The following SWT1 variants were observed in gnomAD, a reference collection of about 807,000 sequenced individuals.
SWT1 encodes SWT1 RNA endoribonuclease homolog.
Under a neutral mutation model 107.3 loss-of-function variants are expected in SWT1, and 33 were observed. The observed-to-expected ratio is 0.31, with a 90% CI of 0.23 to 0.41. SWT1 has a LOEUF of 0.41. Among genes scored for constraint, SWT1 ranks in the 10% least tolerant of loss-of-function variants. SWT1 has a pLI of 1.00. For synonymous variants in SWT1, 345 were observed against 348.3 expected (o/e 0.99, Z 0.11); for missense variants, 898 against 1,028.9 (o/e 0.87, Z 1.74).
At chr1:185,279,469 G>A (rs1355882380) in intron 18 of SWT1, among the ~76,000 whole-genome samples, 1 of 151,950 alleles carries the variant, frequency 6.6e-6, no homozygotes, top group Non-Finnish European at 1.5e-5. Flanking sequence ...TGAAGTTAAT[G>A]AGTAAACCCT....
intron 15 of SWT1, chr1:185,226,929 G>A (rs1571556495): frequency 1.5e-5 from 17 of 1,114,088 alleles, no homozygotes; most frequent in Non-Finnish European, 2.1e-5. Flanking sequence ...TTCTTTCTGC[G>A]GCGTCTTTTC....
intron 15 of SWT1, among the ~76,000 whole-genome samples, chr1:185,230,878 G>A (rs926937334): frequency 2.0e-5 from 3 of 152,030 alleles, no homozygotes; most frequent in Non-Finnish European, 2.9e-5. Flanking sequence ...CTCCCAAGTA[G>A]CTGGGACTAC....
At chr1:185,253,354 A>T (rs1351290958) in intron 16 of SWT1, among the ~76,000 whole-genome samples, 2 of 151,548 alleles carry the variant, frequency 1.3e-5, no homozygotes, top group African/African-American at 4.9e-5. Context: ...ATGGCATTGA[A>T]TCTGTAAATT....
At chr1:185,198,478 A>G (rs1287322483) in intron 10 of SWT1, among the ~76,000 whole-genome samples, 1 of 152,134 alleles carries the variant, frequency 6.6e-6, no homozygotes, top group African/African-American at 2.4e-5. Context: ...CAAGTCCTGG[A>G]TATCCTTGTT....
At chr1:185,186,927 G>A (rs1656525030) in intron 9 of SWT1, among the ~76,000 whole-genome samples, 3 of 150,804 alleles carry the variant, frequency 2.0e-5, no homozygotes, top group South Asian at 4.2e-4. Context: ...GCTAATTTTT[G>A]TATTTTTAGT....
chr1:185,244,621 T>C (rs1342885987), intron 16 of SWT1, among the ~76,000 whole-genome samples: 1 of 152,182 alleles, frequency 6.6e-6, no homozygotes, highest in Non-Finnish European at 1.5e-5. Context: ...GCCCTGGATA[T>C]GACACTACTA....
intron 16 of SWT1, among the ~76,000 whole-genome samples, chr1:185,252,481 G>T (rs930919304): frequency 7.2e-5 from 11 of 152,208 alleles, no homozygotes; most frequent in African/African-American, 2.7e-4. Context: ...ATTCTAACTG[G>T]TGTGAGATGG....
intron 13 of SWT1, among the ~76,000 whole-genome samples, chr1:185,208,237 T>A (rs906333642): frequency 6.6e-6 from 1 of 152,112 alleles, no homozygotes; most frequent in Non-Finnish European, 1.5e-5. Context: ...AGGAAAAAAA[T>A]TGCATATTCT....
Position 185,186,402 on chromosome 1 carries a change from T to C in SWT1, c.1429+1471T>C, listed in dbSNP as rs567431593. 1.4e-3 allele frequency among the ~76,000 whole-genome samples: 215 copies of C among 152,274 alleles called. 2 individuals carry two copies. Among genetic ancestry groups the C allele is most frequent in the African/African-American group, 4.9e-3 (205 of 41,578 alleles). On this transcript the variant is annotated intron_variant, in intron 9 of 18. Coordinates refer to ENST00000367500, the MANE Select transcript of SWT1 (RefSeq NM_017673.7). ...GCTTGAATAAGCCTAAGGATAATAA[T>C]TGTCTTTCTAGAAATGTATCCAAAA...
intron 9 of SWT1, among the ~76,000 whole-genome samples, chr1:185,189,527 T>C (rs1656766577): frequency 6.6e-6 from 1 of 152,172 alleles, no homozygotes; most frequent in Non-Finnish European, 1.5e-5. Context: ...ACAGACTTCT[T>C]AAGCTGAGAA....
At chr1:185,203,766 G>A (rs1242932374) in intron 11 of SWT1, among the ~76,000 whole-genome samples, 1 of 151,942 alleles carries the variant, frequency 6.6e-6, no homozygotes, top group Admixed American at 6.6e-5. Context: ...CCTCTTTGGG[G>A]AAAATGATTA....
chr1:185,159,909 A>T (rs978012002), intron 1 of SWT1, among the ~76,000 whole-genome samples: 1 of 151,920 alleles, frequency 6.6e-6, no homozygotes, highest in African/African-American at 2.4e-5. Context: ...TTTTTAGTAG[A>T]GATGAGGTTT....
chr1:185,237,039 A>G (rs1269278395), intron 16 of SWT1, among the ~76,000 whole-genome samples: 2 of 152,210 alleles, frequency 1.3e-5, no homozygotes, highest in Non-Finnish European at 2.9e-5. Flanking sequence ...AATGGCGATC[A>G]TAAAAAGTGA....
In SWT1 at chr1:185,252,676, A is replaced by G. The variant is rs563190737; in HGVS notation, c.2442-18647A>G. Among the ~76,000 whole-genome samples, 270 of 151,804 alleles carry G rather than the reference A, an allele frequency of 1.8e-3. 1 individual carries two copies. Among genetic ancestry groups the G allele is most frequent in the African/African-American group, 6.2e-3 (257 of 41,420 alleles). ...TGCTTGAGTTCATTGTAGATTCTGG[A>G]TATTAGCCCTTTGTCAGATGAGTAG... On this transcript the variant is annotated intron_variant, in intron 16 of 18. Transcript: ENST00000367500.
intron 12 of SWT1, among the ~76,000 whole-genome samples, chr1:185,205,684 A>G (rs1021977601): frequency 2.0e-5 from 3 of 152,194 alleles, no homozygotes; most frequent in Admixed American, 2.0e-4. Flanking sequence ...ATGATTTTGC[A>G]TCAATCATAG....
chr1:185,267,367 A>G (rs1663481430), intron 16 of SWT1, among the ~76,000 whole-genome samples: 2 of 152,344 alleles, frequency 1.3e-5, no homozygotes, highest in East Asian at 3.8e-4. Context: ...TTAGGGTGTT[A>G]AAGCTGGGCT....
At chr1:185,284,000 G>A (rs2102779566) in intron 18 of SWT1, among the ~76,000 whole-genome samples, 1 of 152,284 alleles carries the variant, frequency 6.6e-6, no homozygotes, top group African/African-American at 2.4e-5. Context: ...CATATACCTA[G>A]GAGTAGAATT....
intron 16 of SWT1, among the ~76,000 whole-genome samples, chr1:185,270,676 TACAGCC>T (rs1558092998): frequency 6.6e-6 from 1 of 152,096 alleles, no homozygotes. Context: ...ACCACTGCAC[TACAGCC>T]TGGGCGACAG....
intron 16 of SWT1, among the ~76,000 whole-genome samples, chr1:185,234,100 G>T (rs1660694720): frequency 6.6e-6 from 1 of 152,180 alleles, no homozygotes; most frequent in South Asian, 2.1e-4. Flanking sequence ...TGTTGATTTG[G>T]GGCGGAGAGT....
Sources: gnomAD v4.1 joint callset for allele counts (sites outside exome capture counted in the v4.1 genomes callset) on GRCh38, gnomAD v4.1.1 for gene constraint, MANE v1.5 for transcripts, NCBI Gene and HGNC (gene_info 2026-07-23, HGNC 2026-07-21) for gene names.